Variants in NR2F1-AS1 observed in about 807,000 individuals in gnomAD.
NR2F1-AS1 encodes the protein NR2F1 antisense RNA 1.
rs551583764 is a variant in NR2F1-AS1 at position 93,499,917 on chromosome 5, T to C, written n.638+53844A>G. Among the ~76,000 whole-genome samples the C allele has an allele frequency of 3.3e-5, 5 of 152,158 alleles. No homozygotes were observed. In the East Asian group the frequency reaches 5.8e-4, roughly 18 times the overall value. ...AGCATTCCCTTAAGCCAAAACCTAA[T>C]CCACATCAAGAATCCAATTTTCTTC... On this transcript the variant is annotated intron_variant and non_coding_transcript_variant, in intron 4 of 5. Coordinates refer to ENST00000660523, the Ensembl canonical transcript of NR2F1-AS1.
At chr5:93,516,992 A>C (rs1751411650) in intron 4 of NR2F1-AS1, among the ~76,000 whole-genome samples, 1 of 152,004 alleles carries the variant, frequency 6.6e-6, no homozygotes. Context: ...TTACACAGTT[A>C]ATACAAACTA....
chr5:93,569,977 T>C (rs978088570), intron 1 of NR2F1-AS1: 3 of 152,222 alleles, frequency 2.0e-5, no homozygotes, highest in African/African-American at 7.2e-5. Context: ...TGGAGGATGG[T>C]AGTATTTCCG....
chr5:93,431,813 A>G (rs1286576502), intron 4 of NR2F1-AS1, among the ~76,000 whole-genome samples: 2 of 152,212 alleles, frequency 1.3e-5, no homozygotes, highest in Non-Finnish European at 1.5e-5. Flanking sequence ...TCTCTCAAAA[A>G]TAAAATAACC....
At chr5:93,554,145 T>C (rs557126604) in intron 3 of NR2F1-AS1, among the ~76,000 whole-genome samples, 3 of 152,274 alleles carry the variant, frequency 2.0e-5, no homozygotes, top group African/African-American at 7.2e-5. Flanking sequence ...AAAACGAAGA[T>C]TGTTTCTGAC....
At chr5:93,420,142 C>T (rs1749058439) in intron 4 of NR2F1-AS1, among the ~76,000 whole-genome samples, 1 of 152,046 alleles carries the variant, frequency 6.6e-6, no homozygotes, top group African/African-American at 2.4e-5. Context: ...TGTAGTGAGC[C>T]GAGATTGCAC....
chr5:93,537,984 T>C (rs770281708), intron 4 of NR2F1-AS1, among the ~76,000 whole-genome samples: 21 of 152,112 alleles, frequency 1.4e-4, no homozygotes, highest in Non-Finnish European at 2.8e-4. Context: ...GGTAGGTGAA[T>C]TGGCATATAT....
chr5:93,460,840 C>T (rs952563721), intron 4 of NR2F1-AS1, among the ~76,000 whole-genome samples: 1 of 152,146 alleles, frequency 6.6e-6, no homozygotes, highest in African/African-American at 2.4e-5. Context: ...ACAACACATG[C>T]TGGTGAGGTT....
At chr5:93,554,579 G>A (rs1752309910) in intron 3 of NR2F1-AS1, among the ~76,000 whole-genome samples, 1 of 152,018 alleles carries the variant, frequency 6.6e-6, no homozygotes, top group Non-Finnish European at 1.5e-5. Flanking sequence ...AGAAGAATAA[G>A]AAATTAGATT....
intron 1 of NR2F1-AS1, among the ~76,000 whole-genome samples, chr5:93,577,141 G>C (rs1752914724): frequency 1.3e-5 from 2 of 152,220 alleles, no homozygotes; most frequent in African/African-American, 2.4e-5. Context: ...TTGCTCTCCT[G>C]CCGTCCTTCC....
intron 4 of NR2F1-AS1, among the ~76,000 whole-genome samples, chr5:93,499,084 T>G (rs1449747518): frequency 6.6e-6 from 1 of 152,186 alleles, no homozygotes; most frequent in African/African-American, 2.4e-5. Context: ...GTAAAATAAC[T>G]ATTACAGAAA....
chr5:93,416,260 A>T (rs1748965614), intron 4 of NR2F1-AS1, among the ~76,000 whole-genome samples: 1 of 152,248 alleles, frequency 6.6e-6, no homozygotes, highest in Admixed American at 6.5e-5. Context: ...CTTCTAGTTA[A>T]TATAAAAAGC....
intron 4 of NR2F1-AS1, among the ~76,000 whole-genome samples, chr5:93,486,100 C>A (rs1170678037): frequency 8.5e-6 from 1 of 117,466 alleles, no homozygotes; most frequent in African/African-American, 3.3e-5. Context: ...ACATCACACT[C>A]TGGGGACTGT....
intron 4 of NR2F1-AS1, among the ~76,000 whole-genome samples, chr5:93,482,958 G>T (rs1169326308): frequency 1.3e-5 from 2 of 152,164 alleles, no homozygotes; most frequent in African/African-American, 4.8e-5. Context: ...CCAATCAGGG[G>T]ATTATCAAAC....
upstream of NR2F1-AS1, chr5:93,584,864 C>T (rs1168956920): frequency 1.1e-4 from 18 of 159,904 alleles, no homozygotes; most frequent in Non-Finnish European, 1.8e-4. Context: ...GGCCGGTGTC[C>T]GGCTCGGGCT....
At chr5:93,440,325 A>T (rs899441300) in intron 4 of NR2F1-AS1, among the ~76,000 whole-genome samples, 3 of 152,212 alleles carry the variant, frequency 2.0e-5, no homozygotes, top group Admixed American at 6.5e-5. Flanking sequence ...GTCTCCAAGG[A>T]TATTTCTAGA....
intron 4 of NR2F1-AS1, among the ~76,000 whole-genome samples, chr5:93,414,051 A>G (rs904786100): frequency 2.0e-5 from 3 of 152,198 alleles, no homozygotes; most frequent in African/African-American, 7.2e-5. Flanking sequence ...AGATGACCAC[A>G]GTCCACTGTA....
chr5:93,490,457 G>A (rs1368270008), intron 4 of NR2F1-AS1, among the ~76,000 whole-genome samples: 3 of 151,680 alleles, frequency 2.0e-5, no homozygotes, highest in African/African-American at 7.3e-5. Flanking sequence ...GGTGGTGGTG[G>A]TAGTGGTGAT....
At chr5:93,534,355 C>T (rs1038080812) in intron 4 of NR2F1-AS1, among the ~76,000 whole-genome samples, 27 of 152,110 alleles carry the variant, frequency 1.8e-4, no homozygotes, top group Non-Finnish European at 1.5e-5. Flanking sequence ...TAATACCATA[C>T]CTTATATTTT....
chr5:93,520,404 A>G (rs2149895032), intron 4 of NR2F1-AS1, among the ~76,000 whole-genome samples: 1 of 152,266 alleles, frequency 6.6e-6, no homozygotes, highest in East Asian at 1.9e-4. Context: ...TACTCAAAGA[A>G]ACATTCCTTT....
Sources: allele counts gnomAD v4.1 joint callset (sites outside exome capture counted in the v4.1 genomes callset), GRCh38; gene constraint gnomAD v4.1.1; transcripts MANE v1.5; gene names NCBI Gene and HGNC (gene_info 2026-07-23, HGNC 2026-07-21).